The following BTBD9 variants were observed in gnomAD, a reference collection of about 807,000 sequenced individuals.
BTBD9 encodes the protein BTB/POZ domain-containing protein 9.
A neutral mutation model predicts 64.3 loss-of-function variants in BTBD9; 49 were observed. The ratio of observed to expected loss-of-function variants is 0.76; its 90% CI spans 0.61 to 0.97. The LOEUF is 0.97. BTBD9 is among the 50% of genes least tolerant of loss of function. BTBD9 has a pLI of 0.00. For missense variants in BTBD9, 598 were observed against 762.1 expected (o/e 0.78, Z 2.53); for synonymous variants, 260 against 274.7 (o/e 0.95, Z 0.53).
At chr6:38,527,952 A>C (rs1316605034) in intron 6 of BTBD9, among the ~76,000 whole-genome samples, 5 of 152,072 alleles carry the variant, frequency 3.3e-5, no homozygotes, top group African/African-American at 4.8e-5. Context: ...GCCCCTTCAT[A>C]AGAATGAAGA....
intron 9 of BTBD9, among the ~76,000 whole-genome samples, chr6:38,236,994 G>A (rs1178110893): frequency 6.6e-6 from 1 of 152,226 alleles, no homozygotes; most frequent in East Asian, 1.9e-4. Flanking sequence ...CCCAGGGGAA[G>A]CCTGATCTCA....
intron 10 of BTBD9, among the ~76,000 whole-genome samples, chr6:38,175,977 G>A (rs548684474): frequency 6.6e-6 from 1 of 152,248 alleles, no homozygotes. Context: ...TTGCATACCT[G>A]ACAGCAGGTC....
At chr6:38,493,421 A>G (rs1258489586) in intron 6 of BTBD9, among the ~76,000 whole-genome samples, 2 of 152,172 alleles carry the variant, frequency 1.3e-5, no homozygotes, top group African/African-American at 4.8e-5. Flanking sequence ...TTTGGGAGGA[A>G]TACTGAGGTT....
intron 7 of BTBD9, among the ~76,000 whole-genome samples, chr6:38,305,558 C>G (rs57211386): frequency 0.03 from 4,564 of 152,306 alleles, 214 homozygotes; most frequent in African/African-American, 0.1. Flanking sequence ...TCTCAACTCA[C>G]TACAACCTCC....
At chr6:38,434,038 C>G (rs779098266) in intron 6 of BTBD9, among the ~76,000 whole-genome samples, 1 of 151,936 alleles carries the variant, frequency 6.6e-6, no homozygotes, top group Non-Finnish European at 1.5e-5. Context: ...TTACTTAACA[C>G]TATATATTCT....
rs1425906104 is a variant in BTBD9 at position 38,594,215 on chromosome 6, C to T, written c.298G>A (p.Ala100Thr). The T allele has an allele frequency of 1.2e-6, 2 of 1,614,150 alleles. No homozygotes were observed. Among genetic ancestry groups the T allele is most frequent in the East Asian group, 2.2e-5 (1 of 44,880 alleles). Residue 100 changes from alanine (A) to threonine (T), a missense_variant, in exon 3 of 11, where the codon GCA becomes ACA. Coordinates refer to ENST00000481247, the MANE Select transcript of BTBD9 (RefSeq NM_001099272.2). ...TCCTCCTTCTCATCTGTCAGCGTTG[C>T]CCGCCCAGTGTAGATATATTTGAGT... is the stretch of plus-strand genomic sequence containing the variant. Reference protein sequence around the residue: ...MLLKYIYTGRATLTDEKEEVL... With the variant: ...MLLKYIYTGRTTLTDEKEEVL...
intron 6 of BTBD9, among the ~76,000 whole-genome samples, chr6:38,480,724 T>C (rs1269483137): frequency 2.0e-5 from 3 of 152,218 alleles, no homozygotes; most frequent in African/African-American, 7.2e-5. Flanking sequence ...GCCTGACAAC[T>C]TGCCTGTCTT....
chr6:38,285,280 T>C (rs1192509394), intron 8 of BTBD9, among the ~76,000 whole-genome samples: 1 of 152,096 alleles, frequency 6.6e-6, no homozygotes, highest in Non-Finnish European at 1.5e-5. Context: ...TTGTGAGATG[T>C]TTAGGCTGTA....
intron 9 of BTBD9, among the ~76,000 whole-genome samples, chr6:38,207,774 G>C (rs17757272): frequency 0.11 from 16,189 of 152,136 alleles, 1,154 homozygotes; most frequent in Non-Finnish European, 0.17. Context: ...TCAGTCTACA[G>C]TTTTAGATTT....
chr6:38,218,525 G>A (rs1417302910), intron 9 of BTBD9, among the ~76,000 whole-genome samples: 1 of 152,208 alleles, frequency 6.6e-6, no homozygotes, highest in Non-Finnish European at 1.5e-5. Flanking sequence ...CCTGCCAGAT[G>A]TCCCCTGGGA....
chr6:38,361,535 CCT>C (rs1764959233), intron 6 of BTBD9, among the ~76,000 whole-genome samples: 1 of 151,232 alleles, frequency 6.6e-6, no homozygotes, highest in Non-Finnish European at 1.5e-5. Context: ...AGAACGAGAC[CCT>C]GTCTCTTAAA....
intron 9 of BTBD9, among the ~76,000 whole-genome samples, chr6:38,244,873 T>C (rs1764127900): frequency 6.6e-6 from 1 of 152,232 alleles, no homozygotes; most frequent in Non-Finnish European, 1.5e-5. Flanking sequence ...GGAAGACACA[T>C]GTGTAGTTTA....
chr6:38,290,010 T>A (rs755786498), intron 7 of BTBD9, among the ~76,000 whole-genome samples: 1 of 151,896 alleles, frequency 6.6e-6, no homozygotes, highest in African/African-American at 2.4e-5. Context: ...TAAAATAGAT[T>A]GGAAAAGAAA....
chr6:38,297,281 G>A (rs1170471188), intron 7 of BTBD9, among the ~76,000 whole-genome samples: 6 of 152,064 alleles, frequency 3.9e-5, no homozygotes, highest in African/African-American at 1.2e-4. Flanking sequence ...CAGGATAATC[G>A]TTTGAACACG....
rs919481604 is a variant in BTBD9 at position 38,169,297 on chromosome 6, C to T, written c.*5688G>A. 6.6e-6 allele frequency: 1 copy of T among 152,482 alleles called. No individual in the cohort carries two copies. The highest frequency in any genetic ancestry group is 2.4e-5 in the African/African-American group (1 of 41,462). The allele number at this position is 152,482 out of a possible 1,614,324, so 9.4% of individuals were successfully genotyped here. On this transcript the variant is annotated 3_prime_UTR_variant, in exon 11 of 11. Coordinates refer to ENST00000481247, the MANE Select transcript of BTBD9 (RefSeq NM_001099272.2). ...TGGGCTGGGGGTAAACCCAGCAACT[C>T]AGGACTAGCAGCAGCCATCAGGGGC...
intron 7 of BTBD9, among the ~76,000 whole-genome samples, chr6:38,298,291 A>G (rs1762236502): frequency 6.6e-6 from 1 of 152,162 alleles, no homozygotes. Flanking sequence ...AGCATACCAG[A>G]TTTAATAATC....
At chr6:38,401,696 T>C (rs1412816562) in intron 6 of BTBD9, among the ~76,000 whole-genome samples, 6 of 152,192 alleles carry the variant, frequency 3.9e-5, no homozygotes, top group African/African-American at 7.2e-5. Flanking sequence ...GCAGTATGTA[T>C]AGTCAAATGG....
intron 7 of BTBD9, among the ~76,000 whole-genome samples, chr6:38,320,183 C>T (rs1206378421): frequency 6.6e-6 from 1 of 152,150 alleles, no homozygotes; most frequent in Admixed American, 6.5e-5. Flanking sequence ...ACTGTCATTC[C>T]TATCCTTTTC....
At chr6:38,445,081 T>C (rs1459757319) in intron 6 of BTBD9, among the ~76,000 whole-genome samples, 1 of 152,138 alleles carries the variant, frequency 6.6e-6, no homozygotes, top group East Asian at 1.9e-4. Context: ...GAGCTCTTTT[T>C]CCCCTGACTC....
Sources: gnomAD v4.1 joint callset for allele counts (sites outside exome capture counted in the v4.1 genomes callset) on GRCh38, gnomAD v4.1.1 for gene constraint, MANE v1.5 for transcripts, NCBI Gene and HGNC (gene_info 2026-07-23, HGNC 2026-07-21) for gene names.